The following SPEN variants were observed in gnomAD, a reference collection of about 807,000 sequenced individuals.
The protein encoded by SPEN is spen family transcriptional repressor.
Under a neutral mutation model 269.9 loss-of-function variants are expected in SPEN, and 18 were observed. That is an observed-to-expected ratio of 0.07 (90% confidence interval 0.05 to 0.10). SPEN has a LOEUF of 0.10. Ranked by LOEUF, SPEN falls within the 10% of genes least tolerant of loss-of-function variation. The pLI is 1.00. For synonymous variants in SPEN, 1,726 were observed against 1,765.7 expected (o/e 0.98, Z 0.56); for missense variants, 3,822 against 4,631.2 (o/e 0.83, Z 5.07).
intron 1 of SPEN, among the ~76,000 whole-genome samples, chr1:15,859,145 T>TTG (rs1020125661): frequency 4.0e-5 from 6 of 149,660 alleles, no homozygotes; most frequent in African/African-American, 1.5e-4. Flanking sequence ...TTTTAGTTTT[T>TTG]TTTTTTTTTT....
chr1:15,927,943 G>C, intron 10 of SPEN, 148 bp from the exon 11 acceptor site: 1 of 714,646 alleles, frequency 1.4e-6, no homozygotes, highest in Non-Finnish European at 2.2e-6. Context: ...AGCTATAGTG[G>C]ATAGCTACTA....
chr1:15,874,489 A>G (rs1459104081), intron 2 of SPEN: 2 of 964,770 alleles, frequency 2.1e-6, no homozygotes, highest in East Asian at 5.3e-5. Flanking sequence ...ATTTAGTACT[A>G]ATAGTGAATC....
Position 15,936,178 on chromosome 1 carries a change from C to A in SPEN, c.9938C>A (p.Thr3313Asn). 6.2e-7 allele frequency: 1 copy of A among 1,602,654 alleles called. No individual in the cohort carries two copies. ...GAGTACCGGTACGGCGACATCCGCACCTACCACCCCCCGGCCCAGCTCACA... is the reference window on the plus strand; with the variant it reads ...GAGTACCGGTACGGCGACATCCGCAACTACCACCCCCCGGCCCAGCTCACA... ...FQEYRYGDIR[T>N]YHPPAQLTHT... Residue 3313 changes from threonine (T) to asparagine (N), a missense_variant, in exon 11 of 15, where the codon ACC (threonine) becomes AAC (asparagine). Physicochemically the swap from Thr to Asn is moderately conservative, Grantham distance 65. Around this residue, in one of 16 missense-constraint regions of SPEN, gnomAD observed 359 missense variants for 377.3 expected, o/e 0.95. Coordinates refer to ENST00000375759, the MANE Select transcript of SPEN (RefSeq NM_015001.3).
chr1:15,936,345 T>C, intron 11 of SPEN, 79 bp downstream of exon 11: 1 of 1,457,428 alleles, frequency 6.9e-7, no homozygotes, highest in Non-Finnish European at 9.1e-7. Context: ...CCAAGATGTG[T>C]GAAAGAAATC....
chr1:15,901,182 G>A (rs572815049), intron 3 of SPEN, among the ~76,000 whole-genome samples: 15 of 149,834 alleles, frequency 1.0e-4, no homozygotes, highest in Admixed American at 2.7e-4. Context: ...GTAATACCTC[G>A]TCCCTTAAAA....
chr1:15,938,026 G>A lies in SPEN; in HGVS notation c.10704+20G>A, dbSNP rs1403222958. On this transcript the variant is annotated intron_variant, in intron 13 of 14. Transcript: ENST00000375759. ...ATGACGGTAAGACTCTCAGGCCCAG[G>A]TGAGCAACTGCCCCACCTACAGGGA... 6.3e-7 allele frequency: 1 copy of A among 1,578,106 alleles called. No homozygotes were observed. Among genetic ancestry groups the A allele is most frequent in the South Asian group, 1.1e-5 (1 of 87,046 alleles).
chr1:15,937,374 C>G lies in SPEN; in HGVS notation c.10238C>G (p.Pro3413Arg). ...RLPAGPANRP[P>R]EPHTQVQRAQ... The stretch of plus-strand genomic sequence containing the variant: ...CCAGCTGGACCTGCAAACAGGCCAC[C>G]TGAGCCTCACACCCAGGTTCAGAGG... Residue 3413 changes from proline to arginine, a missense_variant, in exon 12 of 15, where the codon CCT becomes CGT. Physicochemically the swap from Pro to Arg is moderately radical, Grantham distance 103. This residue lies in a region of SPEN where 359 missense variants were observed against 377.3 expected (regional missense o/e 0.95). Transcript: ENST00000375759. The surrounding 1 kb of genome is among the most constrained non-coding windows in gnomAD (Gnocchi z 5.7). 6.2e-7 allele frequency: 1 copy of G among 1,614,028 alleles called. No homozygotes were observed. The highest frequency in any genetic ancestry group is 8.5e-7 in the Non-Finnish European group (1 of 1,180,032).
At chr1:15,922,189 A>G (rs1185666298) in intron 9 of SPEN, 60 bp from the exon 10 acceptor site, 1 of 1,268,958 alleles carries the variant, frequency 7.9e-7, no homozygotes, top group African/African-American at 1.5e-5. Flanking sequence ...CAAATCTGAT[A>G]ACATTTTTCC....
chr1:15,890,573 T>TTTG (rs1196402211), intron 3 of SPEN, among the ~76,000 whole-genome samples: 2 of 151,280 alleles, frequency 1.3e-5, no homozygotes, highest in African/African-American at 4.9e-5. Context: ...TTTTTTTTTT[T>TTTG]TTTTTTTAAG....
At position 15,933,220 on chromosome 1, in the gene SPEN, G is replaced by C. The variant is rs765733962; in HGVS notation, c.6980G>C (p.Arg2327Pro). ...AAAGAAGTGGAAGTCACTCTTGTTCGGAAAGACAAAGGGCGCCAGAAAACA... is the reference window on the plus strand; with the variant it reads ...AAAGAAGTGGAAGTCACTCTTGTTCCGAAAGACAAAGGGCGCCAGAAAACA... ...GSKEVEVTLVRKDKGRQKTTR... is the reference protein window; with the variant it reads ...GSKEVEVTLVPKDKGRQKTTR... Residue 2327 changes from arginine (R) to proline (P), a missense_variant, in exon 11 of 15, where the codon CGG becomes CCG. Physicochemically the swap from Arg to Pro is moderately radical, Grantham distance 103. Transcript: ENST00000375759. This position sits in a 1 kb window ranked among gnomAD's most constrained non-coding sequence, Gnocchi z 5.7. 2.2e-5 allele frequency: 35 copies of C among 1,613,992 alleles called. No homozygotes were observed. Among genetic ancestry groups the C allele is most frequent in the Non-Finnish European group, 2.9e-5 (34 of 1,180,018 alleles).
In SPEN at chr1:15,935,242, TCCCCTCGGGG is replaced by T; in HGVS notation, c.9006_9015del (p.Ser3003AlafsTer16). 1 of 1,613,948 alleles carries T rather than the reference TCCCCTCGGGG, an allele frequency of 6.2e-7. No homozygotes were observed. On this transcript the variant is annotated frameshift_variant, in exon 11 of 15. Coordinates refer to ENST00000375759, the MANE Select transcript of SPEN (RefSeq NM_015001.3). LOFTEE classifies it high-confidence loss of function. The surrounding 1 kb of genome is among the most constrained non-coding windows in gnomAD (Gnocchi z 7.7). ...AAACTGCCTACAGAAGTCAACCATG[TCCCCTCGGGG>T]CCCAGCATCCCAGCAGATCGAACTG...
rs1418933873 is a variant in SPEN, at chr1:15,920,920, T to C, written c.1686T>C (p.Ile562=). The change falls in exon 9 of 15, where the codon ATT becomes ATC. Residue 562 remains isoleucine (I), a synonymous_variant. Coordinates refer to ENST00000375759, the MANE Select transcript of SPEN (RefSeq NM_015001.3). ...KGMALVLYNE[I]EYAQAAVKET... is the part of the protein sequence containing the mutation. ...TGGCCCTGGTTCTCTACAATGAAATTGAATATGCACAAGCAGCTGTAAAAG... is the reference window on the plus strand; with the variant it reads ...TGGCCCTGGTTCTCTACAATGAAATCGAATATGCACAAGCAGCTGTAAAAG... 3 of 1,613,158 alleles carry C rather than the reference T, an allele frequency of 1.9e-6. No individual in the cohort carries two copies. The highest frequency in any genetic ancestry group is 1.7e-6 in the Non-Finnish European group (2 of 1,179,750).
chr1:15,854,268 C>T (rs1196622567), intron 1 of SPEN, among the ~76,000 whole-genome samples: 1 of 152,044 alleles, frequency 6.6e-6, no homozygotes, highest in Non-Finnish European at 1.5e-5. Context: ...TGCTGTTCAG[C>T]CCCTTGAAAC....
At chr1:15,884,460 G>A (rs906428512) in intron 3 of SPEN, among the ~76,000 whole-genome samples, 1 of 152,196 alleles carries the variant, frequency 6.6e-6, no homozygotes, top group African/African-American at 2.4e-5. Flanking sequence ...GAATGTGGAT[G>A]AGGCTATAAA....
chr1:15,851,505 G>A (rs1324403280), intron 1 of SPEN, among the ~76,000 whole-genome samples: 3 of 152,106 alleles, frequency 2.0e-5, no homozygotes, highest in African/African-American at 7.2e-5. Flanking sequence ...GAGGGAGAGA[G>A]GTGTCTGCAA....
At chr1:15,876,784 G>GATC (rs2070635328) in intron 3 of SPEN, 106 bp downstream of exon 3, 1 of 859,608 alleles carries the variant, frequency 1.2e-6, no homozygotes, top group Non-Finnish European at 1.9e-6. Context: ...AGTAATCTTG[G>GATC]ATCATATATG....
intron 8 of SPEN, among the ~76,000 whole-genome samples, chr1:15,920,339 G>A (rs1471924424): frequency 6.6e-6 from 1 of 152,192 alleles, no homozygotes; most frequent in African/African-American, 2.4e-5. Context: ...AAAGTGCTGA[G>A]ATTACAGGCA....
At chr1:15,896,371 T>C (rs1296467872) in intron 3 of SPEN, among the ~76,000 whole-genome samples, 1 of 151,798 alleles carries the variant, frequency 6.6e-6, no homozygotes, top group Non-Finnish European at 1.5e-5. Context: ...AATTTTTGTA[T>C]TATTTGTAGA....
chr1:15,934,428 A>C lies in SPEN; in HGVS notation c.8188A>C (p.Ser2730Arg). 3 of 1,613,924 alleles carry C rather than the reference A, an allele frequency of 1.9e-6. No individual in the cohort carries two copies. Among genetic ancestry groups the C allele is most frequent in the Non-Finnish European group, 2.5e-6 (3 of 1,180,024 alleles). ...AAPGTVNAAA[S>R]AVNATASAVT... ...CCCAGGCACAGTCAATGCCGCTGCG[A>C]GTGCAGTGAATGCCACAGCAAGTGC... The change falls in exon 11 of 15, where the codon AGT becomes CGT. Residue 2730 changes from serine (S) to arginine (R), a missense_variant. Transcript: ENST00000375759. The surrounding 1 kb of genome is among the most constrained non-coding windows in gnomAD (Gnocchi z 9.2).
Sources: gnomAD v4.1 joint callset for allele counts (sites outside exome capture counted in the v4.1 genomes callset) on GRCh38, gnomAD v4.1.1 for gene constraint, gnomAD v4.1.1 regional missense constraint, Gnocchi (gnomAD v3.1) non-coding constraint, MANE v1.5 for transcripts, NCBI Gene and HGNC (gene_info 2026-07-23, HGNC 2026-07-21) for gene names.